Variants in HOOK3 observed in about 807,000 individuals in gnomAD.
HOOK3 encodes the protein protein Hook homolog 3.
In HOOK3, 24 loss-of-function variants were observed where a neutral mutation model predicts 116.3. The ratio of observed to expected loss-of-function variants is 0.21; its 90% CI spans 0.15 to 0.29. HOOK3 has a LOEUF of 0.29. HOOK3 is among the 10% of genes least tolerant of loss of function. The pLI, the probability that HOOK3 is intolerant of heterozygous loss-of-function variation, is 1.00. For missense variants in HOOK3, 632 were observed against 830.2 expected (o/e 0.76, Z 2.93); for synonymous variants, 275 against 283.0 (o/e 0.97, Z 0.28).
intron 15 of HOOK3, among the ~76,000 whole-genome samples, chr8:42,987,150 A>C (rs1809063223): frequency 6.6e-6 from 1 of 152,158 alleles, no homozygotes; most frequent in Non-Finnish European, 1.5e-5. Context: ...CAATAGAGCA[A>C]AACTCTGTCT....
rs145161793 is a variant in HOOK3 at position 43,002,948 on chromosome 8, A to C, written c.1655+807A>C. On this transcript the variant is annotated intron_variant, in intron 17 of 21. Transcript: ENST00000307602. ...CAAGGACTTTGTGGTATAAAAGATGAAGTAAATTTTAAAATATTCACATAT... is the reference window on the plus strand; with the variant it reads ...CAAGGACTTTGTGGTATAAAAGATGCAGTAAATTTTAAAATATTCACATAT... Among the ~76,000 whole-genome samples, 132 of 152,360 alleles carry C rather than the reference A, an allele frequency of 8.7e-4. No homozygotes were observed. The East Asian group carries it at 0.023, about 27-fold the overall frequency.
In HOOK3 at chr8:43,019,119, A is replaced by G. The variant is rs553567136; in HGVS notation, c.*621A>G. Reference sequence around the variant, plus strand: ...TTCACATTGTTTTATAGGAAATTAAATTTGTCCAAAGATTTGGAGACTATT... The same window carrying G: ...TTCACATTGTTTTATAGGAAATTAAGTTTGTCCAAAGATTTGGAGACTATT... On this transcript the variant is annotated 3_prime_UTR_variant, in exon 22 of 22. Transcript: ENST00000307602. 40 of 208,246 alleles carry G rather than the reference A, an allele frequency of 1.9e-4. No individual in the cohort carries two copies. The highest frequency in any genetic ancestry group is 5.3e-4 in the Admixed American group (9 of 16,996). 12.9% of individuals were successfully genotyped at this position (208,246 alleles called of 1,614,324 possible).
chr8:43,016,786 T>A (rs929230388), intron 21 of HOOK3, among the ~76,000 whole-genome samples: 6 of 152,258 alleles, frequency 3.9e-5, no homozygotes, highest in African/African-American at 1.4e-4. Flanking sequence ...AATTCTCTGA[T>A]TTCAAGTTGA....
chr8:42,908,395 C>G (rs180952964), intron 2 of HOOK3, among the ~76,000 whole-genome samples: 55 of 152,352 alleles, frequency 3.6e-4, no homozygotes, highest in African/African-American at 1.2e-3. Context: ...AGAAATCTCA[C>G]TACCCGATTT....
In HOOK3 at chr8:43,026,308, T is replaced by G. The variant is rs1809932830; in HGVS notation, c.*7810T>G. Reference sequence around the variant, plus strand: ...TCTTAATATTATTTACTGTTACTTCTAGTCATTTATGTAGTATATTTTACT... The same window carrying G: ...TCTTAATATTATTTACTGTTACTTCGAGTCATTTATGTAGTATATTTTACT... On this transcript the variant is annotated 3_prime_UTR_variant, in exon 22 of 22. Transcript: ENST00000307602. The G allele has an allele frequency of 5.2e-6, 1 of 192,272 alleles. No individual in the cohort carries two copies. The highest frequency in any genetic ancestry group is 1.9e-4 in the South Asian group (1 of 5,178). The allele number at this position is 192,272 out of a possible 1,614,324, so 11.9% of individuals were successfully genotyped here. A position where few individuals can be genotyped will look rare whatever the true frequency, so the allele number is the denominator to read the frequency against.
intron 19 of HOOK3, among the ~76,000 whole-genome samples, chr8:43,012,725 G>A (rs1385895121): frequency 6.6e-6 from 1 of 152,038 alleles, no homozygotes; most frequent in East Asian, 1.9e-4. Flanking sequence ...TCAGCCTCCA[G>A]AGTAGCTGGG....
chr8:43,014,873 G>A (rs995314094), intron 21 of HOOK3, among the ~76,000 whole-genome samples: 3 of 151,988 alleles, frequency 2.0e-5, no homozygotes, highest in South Asian at 2.1e-4. Flanking sequence ...GGCTCGGTGC[G>A]GTGGCTAATG....
chr8:42,909,246 A>G (rs1372732249), intron 2 of HOOK3, among the ~76,000 whole-genome samples: 1 of 152,188 alleles, frequency 6.6e-6, no homozygotes, highest in Non-Finnish European at 1.5e-5. Context: ...ACTGTACAAA[A>G]AGCTAAAAAT....
intron 16 of HOOK3, chr8:42,998,074 A>C: frequency 2.4e-5 from 5 of 211,088 alleles, no homozygotes; most frequent in Non-Finnish European, 2.8e-5. Context: ...AATCCCTCTT[A>C]CTCCTTCTGT....
rs2130498705 is a variant in HOOK3 at position 43,020,050 on chromosome 8, A to G, written c.*1552A>G. ...TTCAGCAACTATATTCAAGTGTTTG[A>G]TTTTTAAATTCTTTCTTTCTTTTTA... On this transcript the variant is annotated 3_prime_UTR_variant, in exon 22 of 22. Coordinates refer to ENST00000307602, the MANE Select transcript of HOOK3 (RefSeq NM_032410.4). The G allele has an allele frequency of 5.0e-6, 1 of 198,460 alleles. No individual in the cohort carries two copies. Among genetic ancestry groups the G allele is most frequent in the Non-Finnish European group, 1.0e-5 (1 of 96,060 alleles). 12.3% of individuals were successfully genotyped at this position (198,460 alleles called of 1,614,324 possible).
intron 2 of HOOK3, among the ~76,000 whole-genome samples, chr8:42,919,304 G>A (rs1218754701): frequency 1.3e-5 from 2 of 151,596 alleles, no homozygotes; most frequent in Non-Finnish European, 2.9e-5. Flanking sequence ...CCTCCCAGAC[G>A]GGGTGGCGGC....
At chr8:42,907,858 T>C (rs1327303056) in intron 2 of HOOK3, among the ~76,000 whole-genome samples, 1 of 83,658 alleles carries the variant, frequency 1.2e-5, no homozygotes, top group Non-Finnish European at 2.5e-5. Flanking sequence ...GGTGTCTAAA[T>C]AGGAAAGGAA....
intron 15 of HOOK3, among the ~76,000 whole-genome samples, chr8:42,993,099 T>C (rs1014770821): frequency 3.9e-5 from 6 of 152,262 alleles, no homozygotes; most frequent in Admixed American, 3.3e-4. Flanking sequence ...TCTATTGATA[T>C]AATGTGTCAC....
chr8:43,013,606 CATT>C (rs1809654063), intron 21 of HOOK3, among the ~76,000 whole-genome samples: 1 of 152,150 alleles, frequency 6.6e-6, no homozygotes, highest in African/African-American at 2.4e-5. Context: ...ATTTTGAAAA[CATT>C]ATTTCTAGAG....
At chr8:43,016,258 C>CAGT (rs141270660) in intron 21 of HOOK3, among the ~76,000 whole-genome samples, 2,689 of 151,972 alleles carry the variant, frequency 0.018, 82 homozygotes, top group African/African-American at 0.063. Context: ...GCTGGGACTA[C>CAGT]AGGCGCCCGA....
intron 2 of HOOK3, among the ~76,000 whole-genome samples, chr8:42,911,769 T>C (rs908588024): frequency 6.6e-6 from 1 of 152,120 alleles, no homozygotes; most frequent in Non-Finnish European, 1.5e-5. Context: ...GCAAATACAC[T>C]GAAGACAGTA....
rs1414726547 is a variant in HOOK3 at position 43,028,571 on chromosome 8, AT to A, written c.*10080del. The A allele has an allele frequency of 1.1e-5, 2 of 188,576 alleles. No homozygotes were observed. Among genetic ancestry groups the A allele is most frequent in the African/African-American group, 2.3e-5 (1 of 42,778 alleles). 11.7% of individuals were successfully genotyped at this position (188,576 alleles called of 1,614,324 possible). On this transcript the variant is annotated 3_prime_UTR_variant, in exon 22 of 22. Coordinates refer to ENST00000307602, the MANE Select transcript of HOOK3 (RefSeq NM_032410.4). ...TCAAAGGTACATCAAGATGCAAACA[AT>A]TTTTTTATCTTCATAACTTCCTGCT...
chr8:42,986,740 C>G lies in HOOK3; in HGVS notation c.1477C>G (p.Gln493Glu). Reference sequence around the variant, plus strand: ...GGACAATGAAAAAATAGCCTTATTGCAGAGCCTTCTAGATGATGCAAATCT... The same window carrying G: ...GGACAATGAAAAAATAGCCTTATTGGAGAGCCTTCTAGATGATGCAAATCT... Reference protein sequence around the residue: ...GSDNEKIALLQSLLDDANLRK... With the variant: ...GSDNEKIALLESLLDDANLRK... Residue 493 changes from glutamine to glutamate, a missense_variant, in exon 15 of 22, where the codon CAG (glutamine) becomes GAG (glutamate). Around this residue, in one of 3 missense-constraint regions of HOOK3, gnomAD observed 483 missense variants for 648.1 expected, o/e 0.75. Coordinates refer to ENST00000307602, the MANE Select transcript of HOOK3 (RefSeq NM_032410.4). The G allele has an allele frequency of 6.2e-7, 1 of 1,613,756 alleles. No homozygotes were observed. The highest frequency in any genetic ancestry group is 8.5e-7 in the Non-Finnish European group (1 of 1,179,744).
Position 43,020,138 on chromosome 8 carries a change from A to G in HOOK3, c.*1640A>G, listed in dbSNP as rs1321138820. On this transcript the variant is annotated 3_prime_UTR_variant, in exon 22 of 22. Coordinates refer to ENST00000307602, the MANE Select transcript of HOOK3 (RefSeq NM_032410.4). ...GTCCTCAGAAGCCGTAGTTGAAGAA[A>G]GATATTAGAGTATACACAGAACTGG... 3 of 199,302 alleles carry G rather than the reference A, an allele frequency of 1.5e-5. No homozygotes were observed. The highest frequency in any genetic ancestry group is 7.8e-5 in the East Asian group (1 of 12,776). The allele number at this position is 199,302 out of a possible 1,614,324, so 12.3% of individuals were successfully genotyped here. A position where few individuals can be genotyped will look rare whatever the true frequency, so the allele number is the denominator to read the frequency against.
Sources: allele counts gnomAD v4.1 joint callset (sites outside exome capture counted in the v4.1 genomes callset), GRCh38; gene constraint gnomAD v4.1.1; regional missense constraint gnomAD v4.1.1; transcripts MANE v1.5; gene names NCBI Gene and HGNC (gene_info 2026-07-23, HGNC 2026-07-21).